Variants in NRXN3 observed in about 807,000 individuals in gnomAD.
NRXN3 encodes the protein neurexin 3.
In NRXN3, 32 loss-of-function variants were observed where a neutral mutation model predicts 137.6. The ratio of observed to expected loss-of-function variants is 0.23; its 90% CI spans 0.18 to 0.31. The LOEUF (loss-of-function observed/expected upper bound fraction) is 0.31. NRXN3 is among the 10% of genes least tolerant of loss of function. NRXN3 has a pLI of 1.00. For missense variants in NRXN3, 1,574 were observed against 2,062.5 expected, an observed-to-expected ratio of 0.76 and a Z score of 4.59; for synonymous variants, 798 against 784.5, an observed-to-expected ratio of 1.02 and a Z score of -0.29.
chr14:78,609,692 C>T (rs896554886), intron 4 of NRXN3, among the ~76,000 whole-genome samples: 3 of 152,264 alleles, frequency 2.0e-5, no homozygotes, highest in Non-Finnish European at 4.4e-5. Context: ...TCAGAAAGTA[C>T]ATGTTAAATA....
intron 15 of NRXN3, among the ~76,000 whole-genome samples, chr14:79,152,262 C>T (rs2153035845): frequency 6.6e-6 from 1 of 152,154 alleles, no homozygotes; most frequent in Middle Eastern, 3.4e-3. Flanking sequence ...AAACAACTAT[C>T]TTGCATCTCA....
intron 16 of NRXN3, among the ~76,000 whole-genome samples, chr14:79,490,256 G>T (rs1457460223): frequency 6.6e-6 from 1 of 152,080 alleles, no homozygotes; most frequent in Non-Finnish European, 1.5e-5. Context: ...ACAGTTTGGA[G>T]GTTCCTCAAA....
In NRXN3 at chr14:78,962,467, A is replaced by G. The variant is rs927579514; in HGVS notation, c.2396-3558A>G. ...GTATGAATATATTTGCCCCTTAAGTAGAAAGGAGGTTCAGTTTGCAGACAG... is the reference window on the plus strand; with the variant it reads ...GTATGAATATATTTGCCCCTTAAGTGGAAAGGAGGTTCAGTTTGCAGACAG... On this transcript the variant is annotated intron_variant, in intron 11 of 20. Transcript: ENST00000335750. 2.0e-5 allele frequency among the ~76,000 whole-genome samples: 3 copies of G among 152,174 alleles called. No individual in the cohort carries two copies. The East Asian group carries it at 5.8e-4, about 29-fold the overall frequency.
Position 78,216,805 on chromosome 14 carries a change from T to C in NRXN3, c.-703-25586T>C, listed in dbSNP as rs1424878489. 3.3e-5 allele frequency among the ~76,000 whole-genome samples: 5 copies of C among 152,158 alleles called. 1 individual carries two copies. Among genetic ancestry groups the C allele is most frequent in the Middle Eastern group, 3.2e-3 (1 of 316 alleles). On this transcript the variant is annotated intron_variant, in intron 1 of 20. Transcript: ENST00000335750. ...TCTGAAGGCTCTAGGGAAGATTCCT[T>C]CCTCGCCTCTTCTCGGCTTCTGGTG...
chr14:78,808,720 G>C (rs895575435), intron 9 of NRXN3, among the ~76,000 whole-genome samples: 1 of 152,100 alleles, frequency 6.6e-6, no homozygotes, highest in Non-Finnish European at 1.5e-5. Context: ...TTCTTCTCGG[G>C]AACAAATAAG....
intron 16 of NRXN3, among the ~76,000 whole-genome samples, chr14:79,472,478 T>A (rs2096522807): frequency 6.6e-6 from 1 of 152,214 alleles, no homozygotes; most frequent in Non-Finnish European, 1.5e-5. Context: ...GATGCAATAT[T>A]TTCTGAATGA....
At chr14:78,332,323 T>C (rs1418797731) in intron 4 of NRXN3, among the ~76,000 whole-genome samples, 25 of 148,848 alleles carry the variant, frequency 1.7e-4, no homozygotes, top group African/African-American at 3.7e-4. Flanking sequence ...TTCTTCTTTT[T>C]TTTTTTTTTT....
At chr14:79,376,200 G>A (rs1485900383) in intron 15 of NRXN3, among the ~76,000 whole-genome samples, 2 of 49,716 alleles carry the variant, frequency 4.0e-5, no homozygotes, top group East Asian at 1.6e-3. Context: ...ATGTGGGTGT[G>A]TGTGTGTGTG....
At chr14:79,120,030 C>A (rs2055135538) in intron 15 of NRXN3, among the ~76,000 whole-genome samples, 1 of 152,072 alleles carries the variant, frequency 6.6e-6, no homozygotes, top group African/African-American at 2.4e-5. Flanking sequence ...CTGAGCATCA[C>A]TATGACTTTT....
chr14:78,817,822 C>T (rs965605299), intron 10 of NRXN3, among the ~76,000 whole-genome samples: 10 of 151,564 alleles, frequency 6.6e-5, no homozygotes, highest in African/African-American at 1.2e-4. Context: ...GTGACTCAAA[C>T]GCCTCCCACT....
At chr14:78,527,801 G>T (rs1345921754) in intron 4 of NRXN3, among the ~76,000 whole-genome samples, 1 of 152,164 alleles carries the variant, frequency 6.6e-6, no homozygotes, top group Non-Finnish European at 1.5e-5. Context: ...TTTATTATTT[G>T]TCACTGATGA....
In NRXN3 at chr14:79,415,366, A is replaced by G. The variant is rs150660598; in HGVS notation, c.3263-51855A>G. 8.5e-3 allele frequency among the ~76,000 whole-genome samples: 1,288 copies of G among 152,270 alleles called. 14 individuals are homozygous for G. The highest frequency in any genetic ancestry group is 0.029 in the African/African-American group (1,217 of 41,554). ...AGTTTTTTTCTTGTCATTATTCCCTAAACGATACAGTGTAACAACTATTTA... is the reference window on the plus strand; with the variant it reads ...AGTTTTTTTCTTGTCATTATTCCCTGAACGATACAGTGTAACAACTATTTA... On this transcript the variant is annotated intron_variant, in intron 15 of 20. Coordinates refer to ENST00000335750, the MANE Select transcript of NRXN3 (RefSeq NM_001330195.2).
At chr14:78,597,029 G>C (rs2097162882) in intron 4 of NRXN3, among the ~76,000 whole-genome samples, 2 of 152,188 alleles carry the variant, frequency 1.3e-5, no homozygotes, top group South Asian at 2.1e-4. Flanking sequence ...CTGATCAACA[G>C]AGAGAGAGTA....
At chr14:78,815,361 T>A (rs1034557078) in intron 10 of NRXN3, among the ~76,000 whole-genome samples, 7 of 152,074 alleles carry the variant, frequency 4.6e-5, no homozygotes, top group African/African-American at 1.7e-4. Flanking sequence ...TGCACAGTAA[T>A]CTCAGAGATG....
chr14:79,345,839 G>C (rs1267918333), intron 15 of NRXN3, among the ~76,000 whole-genome samples: 1 of 152,126 alleles, frequency 6.6e-6, no homozygotes, highest in Admixed American at 6.5e-5. Flanking sequence ...CATGCTTCCT[G>C]TACGTCCTGC....
In NRXN3 at chr14:79,753,513, T is replaced by C. The variant is rs1171185516; in HGVS notation, c.4015-51599T>C. ...CATGTTCTCACTCATAGATGGGAAT[T>C]GAACAATGAAAACACATGGACACAG... On this transcript the variant is annotated intron_variant, in intron 19 of 20. Coordinates refer to ENST00000335750, the MANE Select transcript of NRXN3 (RefSeq NM_001330195.2). 3.1e-5 allele frequency among the ~76,000 whole-genome samples: 4 copies of C among 128,968 alleles called. No individual in the cohort carries two copies. The East Asian group carries it at 9.1e-4, about 29-fold the overall frequency. The allele number at this position is 128,968 out of a possible 152,430, so 84.6% of individuals were successfully genotyped here. A position where few individuals can be genotyped will look rare whatever the true frequency, so the allele number is the denominator to read the frequency against.
intron 17 of NRXN3, among the ~76,000 whole-genome samples, chr14:79,664,473 GT>G (rs1326282965): frequency 6.6e-6 from 1 of 152,104 alleles, no homozygotes; most frequent in South Asian, 2.1e-4. Context: ...GACTTTGCTA[GT>G]TTTTATTTTC....
intron 15 of NRXN3, among the ~76,000 whole-genome samples, chr14:79,087,185 C>T (rs78236823): frequency 0.028 from 4,321 of 152,170 alleles, 204 homozygotes; most frequent in African/African-American, 0.099. Flanking sequence ...GGTTTCCAAG[C>T]GGACGTGGTT....
intron 8 of NRXN3, among the ~76,000 whole-genome samples, chr14:78,728,250 G>A (rs965425164): frequency 2.6e-5 from 4 of 152,116 alleles, no homozygotes; most frequent in African/African-American, 7.2e-5. Flanking sequence ...TTTTTAACAT[G>A]TAATCGTCCC....
Sources: allele counts gnomAD v4.1 joint callset (sites outside exome capture counted in the v4.1 genomes callset), GRCh38; gene constraint gnomAD v4.1.1; transcripts MANE v1.5; gene names NCBI Gene and HGNC (gene_info 2026-07-23, HGNC 2026-07-21).